LRP1B: variants seen among roughly 807,000 people sequenced by gnomAD.
LRP1B encodes the protein low-density lipoprotein receptor-related protein 1B.
In LRP1B, 217 loss-of-function variants were observed where a neutral mutation model predicts 556.6. That is an observed-to-expected ratio of 0.39 (90% confidence interval 0.35 to 0.44). LRP1B has a LOEUF of 0.44. LRP1B is among the 20% of genes least tolerant of loss of function. The pLI is 1.00. For synonymous variants in LRP1B, 2,047 were observed against 1,865.8 expected (o/e 1.10, Z -2.50); for missense variants, 5,053 against 5,620.8 (o/e 0.90, Z 3.23).
chr2:140,958,115 C>A (rs1289122922), intron 18 of LRP1B, among the ~76,000 whole-genome samples: 2 of 150,452 alleles, frequency 1.3e-5, no homozygotes, highest in Non-Finnish European at 3.0e-5. Flanking sequence ...CCACATGGGA[C>A]AAAAAAAATT....
intron 5 of LRP1B, among the ~76,000 whole-genome samples, chr2:141,245,649 G>A (rs1310004128): frequency 6.6e-6 from 1 of 152,080 alleles, no homozygotes; most frequent in African/African-American, 2.4e-5. Flanking sequence ...AAAATAATTA[G>A]CATTATCTTA....
At chr2:140,920,866 T>C (rs1245517782) in intron 21 of LRP1B, among the ~76,000 whole-genome samples, 2 of 151,996 alleles carry the variant, frequency 1.3e-5, no homozygotes, top group Non-Finnish European at 2.9e-5. Context: ...ATTAAAAGCA[T>C]TATTAAATCG....
chr2:140,541,395 A>C (rs921352991), intron 44 of LRP1B, among the ~76,000 whole-genome samples: 1 of 152,128 alleles, frequency 6.6e-6, no homozygotes, highest in African/African-American at 2.4e-5. Context: ...TTGACTAAAG[A>C]ACTGTTAAGC....
chr2:141,284,994 A>G lies in LRP1B; in HGVS notation c.344-30353T>C, dbSNP rs537302871. Reference sequence around the variant, plus strand: ...AACATGTCAATTTCTACAAAAAATTATACATTTAACATTGTATTCAGGGAC... The same window carrying G: ...AACATGTCAATTTCTACAAAAAATTGTACATTTAACATTGTATTCAGGGAC... On this transcript the variant is annotated intron_variant, in intron 3 of 90. Coordinates refer to ENST00000389484, the MANE Select transcript of LRP1B (RefSeq NM_018557.3). Among the ~76,000 whole-genome samples, 2 of 152,340 alleles carry G rather than the reference A, an allele frequency of 1.3e-5. 1 individual carries two copies. The highest frequency in any genetic ancestry group is 4.8e-5 in the African/African-American group (2 of 41,582).
intron 1 of LRP1B, among the ~76,000 whole-genome samples, chr2:142,095,473 G>A (rs991735890): frequency 1.3e-5 from 2 of 151,656 alleles, no homozygotes; most frequent in Admixed American, 1.3e-4. Flanking sequence ...GTGCATGTGT[G>A]TATCCTTTAA....
At chr2:141,978,220 G>A (rs1561021) in intron 1 of LRP1B, among the ~76,000 whole-genome samples, 122,644 of 151,944 alleles carry the variant, frequency 0.81, 49,666 homozygotes, top group East Asian at 0.95. Flanking sequence ...AAAACACAAC[G>A]TCTATGCTTA....
chr2:141,936,260 T>G (rs1277961311), intron 1 of LRP1B, among the ~76,000 whole-genome samples: 1 of 152,152 alleles, frequency 6.6e-6, no homozygotes, highest in Middle Eastern at 3.4e-3. Flanking sequence ...AAAGAACTAT[T>G]TAAGAGTATA....
At chr2:140,265,254 C>A (rs1682144809) in intron 86 of LRP1B, among the ~76,000 whole-genome samples, 1 of 150,582 alleles carries the variant, frequency 6.6e-6, no homozygotes, top group Non-Finnish European at 1.5e-5. Flanking sequence ...TTTAATAGTA[C>A]AAACACTGTC....
chr2:140,393,429 G>A (rs987142885), intron 66 of LRP1B, among the ~76,000 whole-genome samples: 8 of 151,032 alleles, frequency 5.3e-5, no homozygotes, highest in South Asian at 4.2e-4. Context: ...AAATTGTTTC[G>A]TTCCTTTTTT....
At position 140,950,249 on chromosome 2, in the gene LRP1B, T is replaced by C. The variant is rs141775168; in HGVS notation, c.3122A>G (p.Asn1041Ser). 43 of 1,587,954 alleles carry C rather than the reference T, an allele frequency of 2.7e-5. No individual in the cohort carries two copies. The highest frequency in any genetic ancestry group is 3.4e-5 in the Non-Finnish European group (40 of 1,172,620). The part of the protein sequence containing the change: ...CGDFSDEAQI[N>S]CTKEEIHSPA... ...AAATTACTAACCTTCTTTAGTACAA[T>C]TGATCTGGGCTTCATCACTGAAGTC... The change falls in exon 20 of 91, where the codon AAT becomes AGT. Residue 1041 changes from asparagine (N) to serine (S), a missense_variant. This residue lies in a region of LRP1B where 3,619 missense variants were observed against 3,931.9 expected (regional missense o/e 0.92). Coordinates refer to ENST00000389484, the MANE Select transcript of LRP1B (RefSeq NM_018557.3).
chr2:141,453,575 C>T (rs1372482319), intron 3 of LRP1B, among the ~76,000 whole-genome samples: 1 of 152,054 alleles, frequency 6.6e-6, no homozygotes, highest in Non-Finnish European at 1.5e-5. Flanking sequence ...CAATGTTATA[C>T]CGTCTTATGA....
At chr2:141,895,048 C>CAAAAAAAAAAAAAAAA (rs369108197) in intron 1 of LRP1B, among the ~76,000 whole-genome samples, 3 of 78,512 alleles carry the variant, frequency 3.8e-5, no homozygotes, top group East Asian at 3.3e-4. Flanking sequence ...AACTCCATCT[C>CAAAAAAAAAAAAAAAA]AAAAAAAAAA....
At chr2:140,842,609 T>C (rs1249132356) in intron 29 of LRP1B, among the ~76,000 whole-genome samples, 1 of 152,034 alleles carries the variant, frequency 6.6e-6, no homozygotes, top group African/African-American at 2.4e-5. Context: ...ATTTCATCTT[T>C]TTTTTTTTAG....
chr2:142,088,986 AAAAAAAAAAAG>A (rs565801599), intron 1 of LRP1B, among the ~76,000 whole-genome samples: 54,221 of 124,696 alleles, frequency 0.43, 10,524 homozygotes, highest in East Asian at 0.62. Context: ...AAAAAAAAAA[AAAAAAAAAAAG>A]AAAAAGAAAA....
At chr2:141,708,160 G>A (rs1358932380) in intron 2 of LRP1B, among the ~76,000 whole-genome samples, 10 of 151,710 alleles carry the variant, frequency 6.6e-5, no homozygotes, top group Admixed American at 5.9e-4. Flanking sequence ...CAAATTAATG[G>A]CACACGTTTA....
chr2:140,978,416 T>G (rs1267953579), intron 18 of LRP1B, among the ~76,000 whole-genome samples: 1 of 152,076 alleles, frequency 6.6e-6, no homozygotes, highest in Non-Finnish European at 1.5e-5. Context: ...GAAGCTGAAA[T>G]GTAAAAACAA....
rs138637301 is a variant in LRP1B, at chr2:141,368,930, T to A, written c.343+111466A>T. ...AATTACATATTTCAGCTATAGTTAA[T>A]TCATATTAATCTGCTGGAAATGAAA... On this transcript the variant is annotated intron_variant, in intron 3 of 90. Transcript: ENST00000389484. 7.7e-3 allele frequency among the ~76,000 whole-genome samples: 1,173 copies of A among 152,292 alleles called. 19 individuals carry two copies. Among genetic ancestry groups the A allele is most frequent in the African/African-American group, 0.026 (1,078 of 41,590 alleles).
intron 1 of LRP1B, among the ~76,000 whole-genome samples, chr2:141,897,309 T>C (rs1699482581): frequency 6.6e-6 from 1 of 152,164 alleles, no homozygotes; most frequent in South Asian, 2.1e-4. Flanking sequence ...AACAGGTAGC[T>C]GATGCTAGCA....
At chr2:141,303,719 C>T (rs951953002) in intron 3 of LRP1B, among the ~76,000 whole-genome samples, 1 of 152,112 alleles carries the variant, frequency 6.6e-6, no homozygotes, top group Non-Finnish European at 1.5e-5. Flanking sequence ...AATAGTACTG[C>T]AGTAAATACA....
Sources: allele counts gnomAD v4.1 joint callset (sites outside exome capture counted in the v4.1 genomes callset), GRCh38; gene constraint gnomAD v4.1.1; regional missense constraint gnomAD v4.1.1; transcripts MANE v1.5; gene names NCBI Gene and HGNC (gene_info 2026-07-23, HGNC 2026-07-21).